MND1: variants seen among roughly 807,000 people sequenced by gnomAD.
MND1 encodes meiotic nuclear divisions 1.
A neutral mutation model predicts 35.1 loss-of-function variants in MND1; 28 were observed. The observed-to-expected ratio is 0.80, with a 90% CI of 0.59 to 1.09. The LOEUF is 1.09. Among genes scored for constraint, MND1 ranks in the 50% least tolerant of loss-of-function variants. MND1 has a pLI of 0.00. For missense variants in MND1, 213 were observed against 239.6 expected (o/e 0.89, Z 0.73); for synonymous variants, 69 against 70.5 (o/e 0.98, Z 0.11).
rs950729122 is a variant in MND1, at chr4:153,396,131, A to G, written c.352-1088A>G. Among the ~76,000 whole-genome samples, 5 of 152,178 alleles carry G rather than the reference A, an allele frequency of 3.3e-5. No individual in the cohort carries two copies. In the South Asian group the frequency reaches 6.2e-4, roughly 19 times the overall value. ...CCTGAGCTGTGCTAATACGATATACACTAACCATGTGTGGCTATTTATATT... is the reference window on the plus strand; with the variant it reads ...CCTGAGCTGTGCTAATACGATATACGCTAACCATGTGTGGCTATTTATATT... On this transcript the variant is annotated intron_variant, in intron 5 of 7. Transcript: ENST00000240488.
chr4:153,358,473 G>A lies in MND1; in HGVS notation c.128-1G>A. ...TAGAGTCTTTAAAAATTGTCTCTTA[G>A]CTGCTATGTCAGTAAAAGAAGTCCT... is the stretch of plus-strand genomic sequence containing the variant. On this transcript the variant is annotated splice_acceptor_variant, in intron 3 of 7. Coordinates refer to ENST00000240488, the MANE Select transcript of MND1 (RefSeq NM_032117.4). LOFTEE classifies it high-confidence loss of function. 1.3e-6 allele frequency: 2 copies of A among 1,584,522 alleles called. No homozygotes were observed. The highest frequency in any genetic ancestry group is 1.7e-6 in the Non-Finnish European group (2 of 1,166,952).
intron 7 of MND1, among the ~76,000 whole-genome samples, chr4:153,411,139 T>C (rs1251811591): frequency 3.9e-5 from 6 of 152,240 alleles, no homozygotes; most frequent in Non-Finnish European, 7.3e-5. Flanking sequence ...AAATACACTT[T>C]AAGTGTGACT....
intron 4 of MND1, among the ~76,000 whole-genome samples, chr4:153,362,001 C>T (rs1773508416): frequency 6.6e-6 from 1 of 152,206 alleles, no homozygotes; most frequent in East Asian, 1.9e-4. Context: ...GTCTGTGATT[C>T]ATTGCAGTTA....
intron 7 of MND1, 114 bp from the exon 8 acceptor site, chr4:153,414,637 T>C: frequency 2.0e-6 from 1 of 492,308 alleles, no homozygotes; most frequent in Non-Finnish European, 3.6e-6. Flanking sequence ...AAACTCCTTA[T>C]TTTGATATAT....
chr4:153,368,578 C>T (rs1335869742), intron 4 of MND1, among the ~76,000 whole-genome samples: 1 of 152,152 alleles, frequency 6.6e-6, no homozygotes, highest in Non-Finnish European at 1.5e-5. Context: ...AAGCTTCTTT[C>T]TCCTCTTTTC....
intron 4 of MND1, among the ~76,000 whole-genome samples, chr4:153,369,151 T>C (rs976758344): frequency 6.6e-6 from 1 of 152,350 alleles, no homozygotes; most frequent in Non-Finnish European, 1.5e-5. Flanking sequence ...TATGATGGCT[T>C]TTGGCCCAAG....
intron 2 of MND1, among the ~76,000 whole-genome samples, chr4:153,354,448 A>C (rs1773292566): frequency 6.6e-6 from 1 of 152,172 alleles, no homozygotes; most frequent in Non-Finnish European, 1.5e-5. Flanking sequence ...TCCTGTTACC[A>C]AGTGATCCAG....
intron 4 of MND1, among the ~76,000 whole-genome samples, chr4:153,387,902 G>T (rs576245111): frequency 6.7e-6 from 1 of 149,602 alleles, no homozygotes; most frequent in African/African-American, 2.5e-5. Context: ...AGTTGCTTTT[G>T]CTATTATCTC....
chr4:153,361,352 T>C (rs1377515976), intron 4 of MND1, among the ~76,000 whole-genome samples: 1 of 152,242 alleles, frequency 6.6e-6, no homozygotes, highest in South Asian at 2.1e-4. Flanking sequence ...CATATGTTGC[T>C]AATGAGATGT....
chr4:153,391,312 C>T (rs145408457), intron 4 of MND1, among the ~76,000 whole-genome samples: 25 of 152,070 alleles, frequency 1.6e-4, no homozygotes, highest in African/African-American at 5.3e-4. Flanking sequence ...TATAGGTGTG[C>T]GCCACCACGA....
chr4:153,397,952 G>T (rs1477813055), intron 6 of MND1, among the ~76,000 whole-genome samples: 2 of 152,140 alleles, frequency 1.3e-5, no homozygotes, highest in Non-Finnish European at 2.9e-5. Context: ...GAACTGAGGA[G>T]TTAGTAAAAG....
chr4:153,393,931 T>C (rs991467899), intron 4 of MND1, among the ~76,000 whole-genome samples: 1 of 133,988 alleles, frequency 7.5e-6, no homozygotes, highest in African/African-American at 2.9e-5. Context: ...TTTCTTTTTT[T>C]TTTTTTTTTT....
intron 4 of MND1, among the ~76,000 whole-genome samples, chr4:153,386,096 C>T (rs1728850089): frequency 6.6e-6 from 1 of 152,000 alleles, no homozygotes; most frequent in South Asian, 2.1e-4. Context: ...AATTAGGTCA[C>T]CTATGGGAAA....
intron 4 of MND1, among the ~76,000 whole-genome samples, chr4:153,374,955 A>G (rs1045579792): frequency 6.6e-6 from 1 of 152,200 alleles, no homozygotes; most frequent in Non-Finnish European, 1.5e-5. Context: ...TAAAAAAATA[A>G]TAGAATATGA....
At chr4:153,400,121 C>G (rs1483908072) in intron 6 of MND1, among the ~76,000 whole-genome samples, 3 of 151,936 alleles carry the variant, frequency 2.0e-5, no homozygotes, top group African/African-American at 7.3e-5. Context: ...TATTGCCCAG[C>G]TGGTCTCGAA....
At chr4:153,376,568 T>C (rs1728516335) in intron 4 of MND1, among the ~76,000 whole-genome samples, 1 of 152,172 alleles carries the variant, frequency 6.6e-6, no homozygotes, top group Admixed American at 6.5e-5. Context: ...GAAAGAGCAA[T>C]GTTGTAACTG....
intron 4 of MND1, among the ~76,000 whole-genome samples, chr4:153,358,928 AG>A (rs1187543509): frequency 6.6e-6 from 1 of 152,174 alleles, no homozygotes; most frequent in Non-Finnish European, 1.5e-5. Flanking sequence ...TTGATGGAAA[AG>A]TACAGAGAGT....
rs1290000308 is a variant in MND1, at chr4:153,354,228, A to G, written c.70-1426A>G. On this transcript the variant is annotated intron_variant, in intron 2 of 7. Coordinates refer to ENST00000240488, the MANE Select transcript of MND1 (RefSeq NM_032117.4). ...TTGCTTTGCATGTGGTAGACATGCA[A>G]CATGTATATGTGAATGATTGATAGG... Among the ~76,000 whole-genome samples, 6 of 152,184 alleles carry G rather than the reference A, an allele frequency of 3.9e-5. No individual in the cohort carries two copies. The South Asian group carries it at 6.2e-4, about 16-fold the overall frequency.
chr4:153,386,914 G>A (rs1027175403), intron 4 of MND1, among the ~76,000 whole-genome samples: 38 of 152,298 alleles, frequency 2.5e-4, no homozygotes, highest in African/African-American at 8.9e-4. Flanking sequence ...GGCTTTACAG[G>A]GGTCACTCTG....
Sources: allele counts gnomAD v4.1 joint callset (sites outside exome capture counted in the v4.1 genomes callset), GRCh38; gene constraint gnomAD v4.1.1; transcripts MANE v1.5; gene names NCBI Gene and HGNC (gene_info 2026-07-23, HGNC 2026-07-21).